Variants in MROH1 observed in about 807,000 individuals in gnomAD.
MROH1 encodes the protein maestro heat-like repeat-containing protein family member 1.
Under a neutral mutation model 116.5 loss-of-function variants are expected in MROH1, and 117 were observed. The observed-to-expected ratio is 1.00, with a 90% CI of 0.86 to 1.17. The LOEUF (loss-of-function observed/expected upper bound fraction) is 1.17, where lower values mean the gene tolerates loss of function less well. Among genes scored for constraint, MROH1 ranks in the 50% most tolerant of loss-of-function variants. The pLI, the probability that MROH1 is intolerant of heterozygous loss-of-function variation, is 0.00. For synonymous variants in MROH1, 921 were observed against 583.9 expected (o/e 1.58, Z -8.32); for missense variants, 1,873 against 1,338.5 (o/e 1.40, Z -6.23).
intron 32 of MROH1, 26 bp downstream of exon 32, chr8:144,249,055 T>C (rs1298403167): frequency 3.1e-4 from 102 of 328,148 alleles, no homozygotes; most frequent in African/African-American, 1.5e-3. Flanking sequence ...GCGCGGGGGG[T>C]GCTCCAGGAG....
rs575422465 is a variant in MROH1, at chr8:144,170,465, G to A, written c.168+2025G>A. 8.5e-5 allele frequency among the ~76,000 whole-genome samples: 13 copies of A among 152,264 alleles called. No homozygotes were observed. The East Asian group carries it at 1.9e-3, about 23-fold the overall frequency. On this transcript the variant is annotated intron_variant, in intron 4 of 43. Transcript: ENST00000326134. ...CTTCTGTCGTCTCCTCCTGCAGACC[G>A]CCTCCAGGAGGTTTGGGTCACAGCC... is the stretch of plus-strand genomic sequence containing the variant.
chr8:144,202,740 G>A (rs1389410876), intron 12 of MROH1, among the ~76,000 whole-genome samples: 2 of 119,522 alleles, frequency 1.7e-5, no homozygotes, highest in Non-Finnish European at 3.4e-5. Flanking sequence ...AGGAGCGCCC[G>A]CCATCTGCGG....
chr8:144,159,861 G>A (rs1425318237), intron 1 of MROH1, among the ~76,000 whole-genome samples: 4 of 145,606 alleles, frequency 2.7e-5, no homozygotes, highest in Non-Finnish European at 5.9e-5. Flanking sequence ...TCCGCCTCCC[G>A]GGTTCACGCC....
At chr8:144,214,305 T>C (rs1834808295) in intron 12 of MROH1, 1 of 152,332 alleles carries the variant, frequency 6.6e-6, no homozygotes, top group Admixed American at 6.6e-5. Context: ...AATATGTTTC[T>C]CAGCCTCTCG....
intron 36 of MROH1, 72 bp downstream of exon 36, chr8:144,258,986 A>G: frequency 1.5e-6 from 1 of 663,802 alleles, no homozygotes; most frequent in East Asian, 2.7e-5. Flanking sequence ...AGAACATGAC[A>G]GGATCAGGCG....
intron 7 of MROH1, among the ~76,000 whole-genome samples, chr8:144,184,896 C>T (rs1479784873): frequency 6.6e-6 from 1 of 152,182 alleles, no homozygotes; most frequent in East Asian, 1.9e-4. Context: ...TCACCTCCAC[C>T]CAGGGCAGAA....
chr8:144,184,503 G>A (rs1057200195), intron 7 of MROH1, among the ~76,000 whole-genome samples: 17 of 152,228 alleles, frequency 1.1e-4, no homozygotes, highest in Non-Finnish European at 1.5e-4. Flanking sequence ...GTAAAGAGGC[G>A]AAAGGGAGAA....
intron 12 of MROH1, among the ~76,000 whole-genome samples, chr8:144,218,716 C>CCTCCCCTCTT (rs1835911392): frequency 2.0e-5 from 1 of 49,212 alleles, no homozygotes; most frequent in Admixed American, 2.1e-4. Context: ...CCTCCTGTCC[C>CCTCCCCTCTT]CCCTCCCCTC....
intron 32 of MROH1, among the ~76,000 whole-genome samples, chr8:144,249,271 CAG>C (rs1459276576): frequency 3.9e-5 from 6 of 152,080 alleles, no homozygotes; most frequent in African/African-American, 9.7e-5. Context: ...TGTCTGAAGA[CAG>C]GGGTTAGAAT....
chr8:144,230,721 ATTC>A (rs1185633612), intron 14 of MROH1, among the ~76,000 whole-genome samples: 1 of 150,258 alleles, frequency 6.7e-6, no homozygotes, highest in African/African-American at 2.5e-5. Context: ...ATTGGCATTA[ATTC>A]TTCTTTAAGA....
chr8:144,215,848 G>A (rs1326726141), intron 12 of MROH1, among the ~76,000 whole-genome samples: 1 of 147,448 alleles, frequency 6.8e-6, no homozygotes, highest in Admixed American at 6.9e-5. Context: ...ACTCCAGCCT[G>A]GGTGATAGAG....
chr8:144,230,962 G>A (rs550707677), intron 14 of MROH1, among the ~76,000 whole-genome samples: 12 of 142,224 alleles, frequency 8.4e-5, no homozygotes, highest in Admixed American at 1.4e-4. Context: ...GCGGCCTTCC[G>A]CAGTGTTTGT....
At chr8:144,259,005 T>A (rs1352925049) in intron 36 of MROH1, 91 bp downstream of exon 36, 11 of 646,578 alleles carry the variant, frequency 1.7e-5, no homozygotes, top group African/African-American at 1.4e-4. Context: ...CGGGGGCCCA[T>A]GCGTGTCAGG....
At chr8:144,255,842 C>T (rs1588527148) in intron 35 of MROH1, 137 bp downstream of exon 35, 2 of 634,434 alleles carry the variant, frequency 3.2e-6, no homozygotes, top group Admixed American at 4.6e-5. Flanking sequence ...GGAGCTGGCG[C>T]CTCACCCAGG....
rs967273279 is a variant in MROH1 at position 144,182,240 on chromosome 8, G to A, written c.562+1717G>A. 5.9e-5 allele frequency among the ~76,000 whole-genome samples: 9 copies of A among 152,236 alleles called. No individual in the cohort carries two copies. The highest frequency in any genetic ancestry group is 1.3e-4 in the Non-Finnish European group (9 of 68,030). On this transcript the variant is annotated intron_variant, in intron 7 of 43. Coordinates refer to ENST00000326134, the MANE Select transcript of MROH1 (RefSeq NM_032450.3). The surrounding 1 kb of genome is among the most constrained non-coding windows in gnomAD (Gnocchi z 4.1). ...CAGGACAGGCAGTGTGCCAAGGACA[G>A]GAGTGCCCTCAGGGCACTGCAGCCA...
intron 12 of MROH1, chr8:144,212,945 T>C (rs964796562): frequency 2.8e-5 from 21 of 740,330 alleles, no homozygotes; most frequent in East Asian, 9.9e-5. Context: ...TCAAGGTTAA[T>C]AGAATTGGAC....
rs1841202755 is a variant in MROH1, at chr8:144,242,641, G to C, written c.2352+13G>C. The C allele has an allele frequency of 2.6e-6, 2 of 779,314 alleles. No homozygotes were observed. The highest frequency in any genetic ancestry group is 4.9e-5 in the East Asian group (2 of 41,232). The allele number at this position is 779,314 out of a possible 1,614,324, so 48.3% of individuals were successfully genotyped here. A position where few individuals can be genotyped will look rare whatever the true frequency, so the allele number is the denominator to read the frequency against. On this transcript the variant is annotated intron_variant, in intron 24 of 43. Coordinates refer to ENST00000326134, the MANE Select transcript of MROH1 (RefSeq NM_032450.3). Reference sequence around the variant, plus strand: ...GGTAGAAACCAAGGTACAGTGTGTAGGAATTAAGTGCTGGACTGGCTTCTC... The same window carrying C: ...GGTAGAAACCAAGGTACAGTGTGTACGAATTAAGTGCTGGACTGGCTTCTC...
At chr8:144,151,144 A>G (rs1816648776) in intron 1 of MROH1, among the ~76,000 whole-genome samples, 1 of 147,924 alleles carries the variant, frequency 6.8e-6, no homozygotes, top group Non-Finnish European at 1.5e-5. Context: ...CCTACTCAGG[A>G]GGCCAAGGCA....
At chr8:144,206,354 T>C (rs73368413) in intron 12 of MROH1, among the ~76,000 whole-genome samples, 9,154 of 152,222 alleles carry the variant, frequency 0.06, 947 homozygotes, top group African/African-American at 0.21. Flanking sequence ...TGCTAAGTTG[T>C]ATTCTGTTAC....
Sources: gnomAD v4.1 joint callset for allele counts (sites outside exome capture counted in the v4.1 genomes callset) on GRCh38, gnomAD v4.1.1 for gene constraint, Gnocchi (gnomAD v3.1) non-coding constraint, MANE v1.5 for transcripts, NCBI Gene and HGNC (gene_info 2026-07-23, HGNC 2026-07-21) for gene names.